The following ARHGAP15 variants were observed in gnomAD, a reference collection of about 807,000 sequenced individuals.
ARHGAP15 encodes rho GTPase-activating protein 15.
ARHGAP15 carries 51 observed loss-of-function variants against 63.7 expected under a neutral mutation model. That is an observed-to-expected ratio of 0.80 (90% CI 0.64 to 1.01). The LOEUF (loss-of-function observed/expected upper bound fraction) is 1.01. Ranked by LOEUF, ARHGAP15 falls within the 50% of genes least tolerant of loss-of-function variation. ARHGAP15 has a pLI of 0.00. For missense variants in ARHGAP15, 560 were observed against 564.6 expected (o/e 0.99, Z 0.08); for synonymous variants, 191 against 193.8 (o/e 0.99, Z 0.12).
At chr2:143,273,754 A>G (rs2105059850) in intron 6 of ARHGAP15, among the ~76,000 whole-genome samples, 1 of 152,280 alleles carries the variant, frequency 6.6e-6, no homozygotes, top group Middle Eastern at 3.4e-3. Context: ...AACCTATTTT[A>G]AATGCTAGTC....
intron 4 of ARHGAP15, among the ~76,000 whole-genome samples, chr2:143,220,840 C>T (rs1161671934): frequency 6.6e-6 from 1 of 151,596 alleles, no homozygotes; most frequent in Non-Finnish European, 1.5e-5. Flanking sequence ...TTAATAGATG[C>T]TTACTCTGTC....
intron 11 of ARHGAP15, among the ~76,000 whole-genome samples, chr2:143,567,613 C>A (rs746105968): frequency 5.9e-5 from 9 of 152,174 alleles, no homozygotes; most frequent in Non-Finnish European, 7.3e-5. Flanking sequence ...TCAGAGCCAG[C>A]CCTGCCAGCC....
intron 5 of ARHGAP15, chr2:143,247,383 G>C (rs1694082959): frequency 6.6e-6 from 1 of 152,280 alleles, no homozygotes; most frequent in Non-Finnish European, 1.5e-5. Flanking sequence ...GTCCAGCCTG[G>C]CACCACTGGC....
intron 6 of ARHGAP15, among the ~76,000 whole-genome samples, chr2:143,283,622 G>A (rs1451586859): frequency 1.3e-5 from 2 of 152,076 alleles, no homozygotes; most frequent in African/African-American, 4.8e-5. Flanking sequence ...AAGGCACTAA[G>A]ACATTTTACT....
chr2:143,352,815 A>C (rs1000000613), intron 6 of ARHGAP15, among the ~76,000 whole-genome samples: 3 of 152,228 alleles, frequency 2.0e-5, no homozygotes, highest in African/African-American at 7.2e-5. Flanking sequence ...ATAAACTGTC[A>C]CCTTAACAAA....
chr2:143,149,353 G>A (rs1689723430), intron 1 of ARHGAP15, among the ~76,000 whole-genome samples: 1 of 151,956 alleles, frequency 6.6e-6, no homozygotes, highest in Non-Finnish European at 1.5e-5. Context: ...AATTCCCTGG[G>A]TGTATGGCCA....
chr2:143,687,566 T>A (rs954257691), intron 12 of ARHGAP15, among the ~76,000 whole-genome samples: 1 of 152,196 alleles, frequency 6.6e-6, no homozygotes, highest in African/African-American at 2.4e-5. Context: ...GAGAAGATAG[T>A]GGCAAACTCA....
At chr2:143,570,435 A>G (rs1401981009) in intron 11 of ARHGAP15, among the ~76,000 whole-genome samples, 1 of 152,192 alleles carries the variant, frequency 6.6e-6, no homozygotes, top group Non-Finnish European at 1.5e-5. Flanking sequence ...CACACTAAAC[A>G]TTTCTTAAGG....
intron 9 of ARHGAP15, among the ~76,000 whole-genome samples, chr2:143,510,110 G>A (rs1693515810): frequency 6.9e-6 from 1 of 145,100 alleles, no homozygotes. Context: ...TTCTCAAAAG[G>A]AAAAACTAAT....
intron 6 of ARHGAP15, among the ~76,000 whole-genome samples, chr2:143,379,487 A>ATGTGTGTGTGTGTGTGTGTGTG (rs58976215): frequency 7.7e-6 from 1 of 129,764 alleles, no homozygotes; most frequent in African/African-American, 2.9e-5. Flanking sequence ...AGGCATATAT[A>ATGTGTGTGTGTGTGTGTGTGTG]TGTGTGTGTG....
chr2:143,705,258 A>G (rs1359884676), intron 13 of ARHGAP15, among the ~76,000 whole-genome samples: 1 of 152,176 alleles, frequency 6.6e-6, no homozygotes, highest in African/African-American at 2.4e-5. Context: ...TTTATCTTAA[A>G]GTTCAGAAAA....
At chr2:143,188,467 TA>T in intron 2 of ARHGAP15, among the ~76,000 whole-genome samples, 1 of 151,852 alleles carries the variant, frequency 6.6e-6, no homozygotes. Context: ...TGCCTCCTTT[TA>T]AAAAATTTCC....
chr2:143,159,233 T>C (rs1275523980), intron 2 of ARHGAP15, among the ~76,000 whole-genome samples: 1 of 151,952 alleles, frequency 6.6e-6, no homozygotes, highest in African/African-American at 2.4e-5. Flanking sequence ...AGATTGTTTG[T>C]TCAGTTTTTA....
chr2:143,294,582 C>T (rs1181222738), intron 6 of ARHGAP15, among the ~76,000 whole-genome samples: 7 of 151,966 alleles, frequency 4.6e-5, no homozygotes, highest in South Asian at 2.1e-4. Flanking sequence ...CTACATCAAG[C>T]CAGTGGAAAA....
At chr2:143,264,103 A>G (rs1461412085) in intron 6 of ARHGAP15, among the ~76,000 whole-genome samples, 2 of 151,558 alleles carry the variant, frequency 1.3e-5, no homozygotes, top group East Asian at 1.9e-4. Flanking sequence ...AATTTGAGCC[A>G]TCTGTTCATG....
intron 1 of ARHGAP15, among the ~76,000 whole-genome samples, chr2:143,133,535 G>C (rs1688993257): frequency 6.6e-6 from 1 of 152,170 alleles, no homozygotes; most frequent in East Asian, 1.9e-4. Flanking sequence ...AGTCAGTGGA[G>C]ATATTTCTGT....
intron 6 of ARHGAP15, among the ~76,000 whole-genome samples, chr2:143,268,084 T>C (rs1424629846): frequency 2.6e-5 from 4 of 152,092 alleles, no homozygotes; most frequent in Non-Finnish European, 5.9e-5. Context: ...ACTCTAATTT[T>C]AGCAAAAGTA....
At chr2:143,273,369 T>G (rs1448437771) in intron 6 of ARHGAP15, among the ~76,000 whole-genome samples, 4 of 152,154 alleles carry the variant, frequency 2.6e-5, no homozygotes, top group African/African-American at 7.2e-5. Flanking sequence ...TCTCAACTTA[T>G]GATGGGCTGA....
At chr2:143,330,104 AAAAAAAAAAAAAAAAAAAAAAAAAAAACC>A (rs1684451585) in intron 6 of ARHGAP15, among the ~76,000 whole-genome samples, 5 of 78,526 alleles carry the variant, frequency 6.4e-5, no homozygotes, top group Non-Finnish European at 7.5e-5. Context: ...CAAAAAAAAA[AAAAAAAAAAAAAAAAAAAAAAAAAAAACC>A]AAAAACAAAA....
Sources: allele counts gnomAD v4.1 joint callset (sites outside exome capture counted in the v4.1 genomes callset), GRCh38; gene constraint gnomAD v4.1.1; transcripts MANE v1.5; gene names NCBI Gene and HGNC (gene_info 2026-07-23, HGNC 2026-07-21).